Variants in SLC35F4 observed in about 807,000 individuals in gnomAD.
The protein encoded by SLC35F4 is solute carrier family 35 member F4, also known as chromosome 14 open reading frame 36.
In SLC35F4, 24 loss-of-function variants were observed where a neutral mutation model predicts 44.2. The observed-to-expected ratio is 0.54, with a 90% CI of 0.39 to 0.76. The LOEUF is 0.76. SLC35F4 is among the 30% of genes least tolerant of loss of function. SLC35F4 has a pLI of 0.00. For missense variants in SLC35F4, 562 were observed against 586.1 expected (o/e 0.96, Z 0.42); for synonymous variants, 238 against 223.6 (o/e 1.06, Z -0.57).
chr14:57,957,375 C>T lies in SLC35F4; in HGVS notation n.282+24538G>A, dbSNP rs951435020. ...ATGCATGCAGCAAGCCACTATGGCA[C>T]GTGTATAACTAGGTAACAAAACTGC... On this transcript the variant is annotated intron_variant and non_coding_transcript_variant, in intron 1 of 1. Coordinates refer to the SLC35F4 transcript ENST00000556568. Among the ~76,000 whole-genome samples the T allele has an allele frequency of 9.9e-5, 15 of 151,334 alleles. 1 individual carries two copies. The highest frequency in any genetic ancestry group is 2.2e-4 in the Non-Finnish European group (15 of 67,960).
Position 57,954,514 on chromosome 14 carries a change from G to T in SLC35F4, n.282+27399C>A, listed in dbSNP as rs558989000. 3.9e-5 allele frequency among the ~76,000 whole-genome samples: 6 copies of T among 152,184 alleles called. No homozygotes were observed. The South Asian group carries it at 1.2e-3, about 32-fold the overall frequency. On this transcript the variant is annotated intron_variant and non_coding_transcript_variant, in intron 1 of 1. Transcript: ENST00000556568. Reference sequence around the variant, plus strand: ...CGTTTTTGAAAAGATTAACAAAATAGATAGACCGCCAGCCAGACTAATAAA... The same window carrying T: ...CGTTTTTGAAAAGATTAACAAAATATATAGACCGCCAGCCAGACTAATAAA...
chr14:57,708,706 C>G (rs2075739964), intron 1 of SLC35F4, among the ~76,000 whole-genome samples: 1 of 152,160 alleles, frequency 6.6e-6, no homozygotes, highest in Non-Finnish European at 1.5e-5. Context: ...AAAGAAAAGA[C>G]AGCTGGGCCC....
intron 1 of SLC35F4, among the ~76,000 whole-genome samples, chr14:57,959,228 T>C (rs996561953): frequency 2.0e-5 from 3 of 152,200 alleles, no homozygotes; most frequent in African/African-American, 7.2e-5. Context: ...AGCAGGTTTT[T>C]TAACTTTAAG....
intron 6 of SLC35F4, among the ~76,000 whole-genome samples, chr14:57,568,358 C>A (rs888112014): frequency 1.3e-5 from 2 of 152,210 alleles, no homozygotes; most frequent in Admixed American, 6.5e-5. Context: ...AGGTGGAAAT[C>A]ACATGTGCAA....
intron 1 of SLC35F4, among the ~76,000 whole-genome samples, chr14:57,710,801 G>A (rs1187844695): frequency 6.6e-6 from 1 of 152,042 alleles, no homozygotes; most frequent in African/African-American, 2.4e-5. Flanking sequence ...TTGGAATGGG[G>A]ATATTTAACC....
At chr14:57,648,299 A>G (rs985571744) in intron 1 of SLC35F4, among the ~76,000 whole-genome samples, 51 of 152,328 alleles carry the variant, frequency 3.3e-4, no homozygotes, top group African/African-American at 1.1e-3. Context: ...TGATTTGGGC[A>G]TTTAACTGTT....
chr14:57,939,258 G>A (rs1050122053), intron 1 of SLC35F4, among the ~76,000 whole-genome samples: 1 of 152,112 alleles, frequency 6.6e-6, no homozygotes, highest in Admixed American at 6.5e-5. Context: ...AGTAGTGAAG[G>A]GCTCCAAAGC....
At chr14:57,691,928 T>C (rs1015758657) in intron 1 of SLC35F4, among the ~76,000 whole-genome samples, 1 of 152,130 alleles carries the variant, frequency 6.6e-6, no homozygotes, top group African/African-American at 2.4e-5. Flanking sequence ...AGAGAAGACA[T>C]TCCAGAGTGA....
intron 1 of SLC35F4, among the ~76,000 whole-genome samples, chr14:57,777,556 T>A (rs2140722981): frequency 6.6e-6 from 1 of 151,862 alleles, no homozygotes; most frequent in African/African-American, 2.4e-5. Flanking sequence ...ATGTTCTCAC[T>A]CATAGGTGGG....
At chr14:57,917,618 T>C (rs1889355196) in intron 1 of SLC35F4, among the ~76,000 whole-genome samples, 1 of 152,116 alleles carries the variant, frequency 6.6e-6, no homozygotes, top group Admixed American at 6.5e-5. Context: ...ATAGTGGTAA[T>C]GTGGGGGTGG....
intron 1 of SLC35F4, among the ~76,000 whole-genome samples, chr14:57,711,239 T>C (rs915839622): frequency 3.3e-5 from 5 of 152,106 alleles, no homozygotes; most frequent in African/African-American, 1.2e-4. Flanking sequence ...TGCTGCTACC[T>C]TGTGAAGAAG....
chr14:57,977,946 G>C (rs1237599004), intron 1 of SLC35F4, among the ~76,000 whole-genome samples: 1 of 152,220 alleles, frequency 6.6e-6, no homozygotes, highest in Non-Finnish European at 1.5e-5. Context: ...CTTTTGGCCA[G>C]TGGTAATTGG....
chr14:57,619,022 A>C (rs1367992257), intron 1 of SLC35F4, among the ~76,000 whole-genome samples: 1 of 152,202 alleles, frequency 6.6e-6, no homozygotes, highest in Non-Finnish European at 1.5e-5. Context: ...CATCACCGAA[A>C]AAAAGGCGGC....
rs568819454 is a variant in SLC35F4, at chr14:57,576,728, G to C, written c.807+4486C>G. Reference sequence around the variant, plus strand: ...TTGGATAGCAGCAAACCCAAGGGATGCTGGGCCTCTGAACTCCCCCTCTCC... The same window carrying C: ...TTGGATAGCAGCAAACCCAAGGGATCCTGGGCCTCTGAACTCCCCCTCTCC... On this transcript the variant is annotated intron_variant, in intron 4 of 7. Transcript: ENST00000556826. 2.0e-5 allele frequency among the ~76,000 whole-genome samples: 3 copies of C among 152,260 alleles called. No individual in the cohort carries two copies. The East Asian group carries it at 5.8e-4, about 29-fold the overall frequency.
rs113370770 is a variant in SLC35F4 at position 57,791,337 on chromosome 14, T to G, written c.103+74386A>C. ...AAAAATGGACAAAGGATATGAACACTTTTCAAAAGAAGATATTTATGGCCA... is the reference window on the plus strand; with the variant it reads ...AAAAATGGACAAAGGATATGAACACGTTTCAAAAGAAGATATTTATGGCCA... On this transcript the variant is annotated intron_variant, in intron 1 of 7. Transcript: ENST00000556826. Among the ~76,000 whole-genome samples, 1,032 of 151,818 alleles carry G rather than the reference T, an allele frequency of 6.8e-3. 13 individuals are homozygous for G. Among genetic ancestry groups the G allele is most frequent in the African/African-American group, 0.023 (968 of 41,484 alleles).
intron 1 of SLC35F4, among the ~76,000 whole-genome samples, chr14:57,933,896 T>C (rs578163466): frequency 6.6e-6 from 1 of 152,266 alleles, no homozygotes; most frequent in African/African-American, 2.4e-5. Context: ...CGAAAAAATA[T>C]ATATAATTAA....
chr14:57,895,487 T>G (rs1320983129), intron 1 of SLC35F4, among the ~76,000 whole-genome samples: 3 of 152,004 alleles, frequency 2.0e-5, no homozygotes, highest in Non-Finnish European at 4.4e-5. Context: ...AGGGGAAGAT[T>G]TCCCCCTTGC....
At chr14:57,591,690 C>G (rs147514984) in intron 2 of SLC35F4, among the ~76,000 whole-genome samples, 1 of 152,328 alleles carries the variant, frequency 6.6e-6, no homozygotes, top group Non-Finnish European at 1.5e-5. Flanking sequence ...GCTTTCCATT[C>G]AGGCACTGCA....
rs1264211916 is a variant in SLC35F4 at position 57,646,370 on chromosome 14, G to T, written c.104-52246C>A. Among the ~76,000 whole-genome samples, 5 of 152,258 alleles carry T rather than the reference G, an allele frequency of 3.3e-5. No individual in the cohort carries two copies. In the East Asian group the frequency reaches 9.6e-4, roughly 29 times the overall value. On this transcript the variant is annotated intron_variant, in intron 1 of 7. Coordinates refer to ENST00000556826, the MANE Select transcript of SLC35F4 (RefSeq NM_001306087.2). ...GTCTTGGGAGGGTGTATGTATGGAG[G>T]AATTTATCCATTTCTTCTAGATTTT...
Sources: allele counts gnomAD v4.1 joint callset (sites outside exome capture counted in the v4.1 genomes callset), GRCh38; gene constraint gnomAD v4.1.1; transcripts MANE v1.5; gene names NCBI Gene and HGNC (gene_info 2026-07-23, HGNC 2026-07-21).